The following MAST3 variants were observed in gnomAD, a reference collection of about 807,000 sequenced individuals.
MAST3 encodes the protein microtubule-associated serine/threonine-protein kinase 3.
A neutral mutation model predicts 127.0 loss-of-function variants in MAST3; 43 were observed. The observed-to-expected ratio is 0.34, with a 90% CI of 0.27 to 0.44. MAST3 has a LOEUF of 0.44. Ranked by LOEUF, MAST3 falls within the 20% of genes least tolerant of loss-of-function variation. The pLI is 1.00. For missense variants in MAST3, 1,390 were observed against 1,919.1 expected (o/e 0.72, Z 5.15); for synonymous variants, 785 against 809.2 (o/e 0.97, Z 0.51).
rs374425560 is a variant in MAST3 at position 18,146,907 on chromosome 19, C to T, written c.3189C>T (p.Thr1063=). Residue 1063 remains threonine, a synonymous_variant, in exon 26 of 28, where the codon ACC becomes ACT. Transcript: ENST00000687212. ...GCGGCAACAAGATATCCCTGCGGAC[C>T]ACAGCCCTGGAGAACACCTCCATCA... ...LKSGNKISLR[T]TALENTSIKV... 1.7e-4 allele frequency: 266 copies of T among 1,556,970 alleles called. No individual in the cohort carries two copies. The African/African-American group carries it at 3.1e-3, about 18-fold the overall frequency.
In MAST3 at chr19:18,143,961, C is replaced by T. The variant is rs1334754043; in HGVS notation, c.2538C>T (p.Pro846=). 1.3e-6 allele frequency: 2 copies of T among 1,598,170 alleles called. No individual in the cohort carries two copies. Among genetic ancestry groups the T allele is most frequent in the Non-Finnish European group, 8.5e-7 (1 of 1,172,588 alleles). ...TCTTCATTCTAGGGGAGCCTGACCC[C>T]CCACCAGCGGCCACCCCAGTGATGC... ...RPVFILGEPD[P]PPAATPVMPK... The change falls in exon 22 of 28, where the codon CCC becomes CCT. Residue 846 remains proline (P), a synonymous_variant. Coordinates refer to ENST00000687212, the MANE Select transcript of MAST3 (RefSeq NM_001393504.1).
intron 5 of MAST3, 195 bp downstream of exon 5, chr19:18,122,117 C>A: frequency 2.0e-6 from 2 of 985,170 alleles, no homozygotes; most frequent in African/African-American, 3.5e-5. Context: ...CCACATCCCA[C>A]GCATGGACAG....
At chr19:18,139,876 G>A (rs1441206179) in intron 20 of MAST3, among the ~76,000 whole-genome samples, 9 of 142,830 alleles carry the variant, frequency 6.3e-5, no homozygotes, top group African/African-American at 2.3e-4. Context: ...CTGGAGTGCA[G>A]TGGCGTGATC....
intron 11 of MAST3, among the ~76,000 whole-genome samples, chr19:18,126,151 G>A (rs1409818333): frequency 6.6e-6 from 1 of 152,132 alleles, no homozygotes; most frequent in Non-Finnish European, 1.5e-5. Flanking sequence ...GAGCTTGGCA[G>A]GTTGAGACTG....
intron 11 of MAST3, 100 bp from the exon 12 acceptor site, chr19:18,128,300 C>A (rs899245892): frequency 2.7e-5 from 25 of 927,146 alleles, no homozygotes; most frequent in Non-Finnish European, 4.1e-5. Flanking sequence ...GGCACTGCAT[C>A]CCCAGCCTGG....
At chr19:18,122,044 G>A in intron 5 of MAST3, 122 bp downstream of exon 5, 1 of 1,495,094 alleles carries the variant, frequency 6.7e-7, no homozygotes, top group South Asian at 1.3e-5. Flanking sequence ...CCCTCCCCTG[G>A]CCCGTCTGGT....
At chr19:18,129,181 A>T in intron 13 of MAST3, 1 of 553,546 alleles carries the variant, frequency 1.8e-6, no homozygotes, top group South Asian at 2.1e-5. Context: ...CCCCAGGTGT[A>T]GGGCGTTCTA....
intron 15 of MAST3, among the ~76,000 whole-genome samples, 154 bp from the exon 16 acceptor site, chr19:18,134,425 C>G (rs1424672748): frequency 6.6e-6 from 1 of 152,174 alleles, no homozygotes; most frequent in Non-Finnish European, 1.5e-5. Context: ...ACCTGTAGTT[C>G]CAGCTACTTG....
chr19:18,108,273 G>C (rs756275937), intron 2 of MAST3, among the ~76,000 whole-genome samples: 2 of 151,690 alleles, frequency 1.3e-5, no homozygotes, highest in African/African-American at 4.8e-5. Flanking sequence ...CTGGGCAACA[G>C]AGTGAGACTC....
rs1384767072 is a variant in MAST3 at position 18,112,616 on chromosome 19, T to C, written c.161+1875T>C. On this transcript the variant is annotated intron_variant, in intron 3 of 27. Coordinates refer to ENST00000687212, the MANE Select transcript of MAST3 (RefSeq NM_001393504.1). This position sits in a 1 kb window ranked among gnomAD's most constrained non-coding sequence, Gnocchi z 4.1. ...TCTCAAAGTGCTGGGATTACAGGCA[T>C]GAACCACCAAGCCTGGCCTAATGTT... is the stretch of plus-strand genomic sequence containing the variant. Among the ~76,000 whole-genome samples the C allele has an allele frequency of 6.6e-6, 1 of 152,168 alleles. No individual in the cohort carries two copies. Among genetic ancestry groups the C allele is most frequent in the African/African-American group, 2.4e-5 (1 of 41,444 alleles).
At chr19:18,128,495 G>T in intron 12 of MAST3, 37 bp downstream of exon 12, 2 of 1,545,168 alleles carry the variant, frequency 1.3e-6, no homozygotes, top group Non-Finnish European at 8.8e-7. Context: ...CGCTCATCTT[G>T]TTCTTTCCAG....
chr19:18,098,402 C>A (rs2146705502), intron 1 of MAST3, among the ~76,000 whole-genome samples: 1 of 152,262 alleles, frequency 6.6e-6, no homozygotes, highest in South Asian at 2.1e-4. Context: ...TCTCTTACGG[C>A]ACAAGGCGCT....
At chr19:18,098,217 C>A (rs1568538004) in intron 1 of MAST3, among the ~76,000 whole-genome samples, 1 of 152,176 alleles carries the variant, frequency 6.6e-6, no homozygotes, top group South Asian at 2.1e-4. Context: ...TGTATTAATA[C>A]CTCCTTGGGT....
intron 20 of MAST3, among the ~76,000 whole-genome samples, chr19:18,140,619 C>T (rs1289196895): frequency 6.6e-6 from 1 of 152,138 alleles, no homozygotes; most frequent in Non-Finnish European, 1.5e-5. Flanking sequence ...TTCTCTTACT[C>T]AGCATCACGT....
At chr19:18,122,534 T>A in intron 5 of MAST3, 139 bp from the exon 6 acceptor site, 1 of 735,418 alleles carries the variant, frequency 1.4e-6, no homozygotes, top group African/African-American at 1.7e-5. Context: ...TTGGTCAGCC[T>A]GTGTCTCTGT....
intron 19 of MAST3, among the ~76,000 whole-genome samples, chr19:18,138,691 G>A (rs1288559577): frequency 1.3e-5 from 2 of 149,196 alleles, no homozygotes; most frequent in African/African-American, 4.8e-5. Context: ...TAGAGATGGG[G>A]TTTCACCATG....
At position 18,132,042 on chromosome 19, in the gene MAST3, A is replaced by G; in HGVS notation, c.1566A>G (p.Pro522=). Reference sequence around the variant, plus strand: ...GCATCGTGCACCGTGACCTCAAACCAGACAAGTGAGCTGAGCTAGCATGAG... The same window carrying G: ...GCATCGTGCACCGTGACCTCAAACCGGACAAGTGAGCTGAGCTAGCATGAG... The part of the protein sequence containing the change: ...NYGIVHRDLK[P]DNLLITSLGH... Residue 522 remains proline (P), a synonymous_variant, in exon 15 of 28, where the codon CCA becomes CCG. Coordinates refer to ENST00000687212, the MANE Select transcript of MAST3 (RefSeq NM_001393504.1). 1 of 1,614,090 alleles carries G rather than the reference A, an allele frequency of 6.2e-7. No individual in the cohort carries two copies. The highest frequency in any genetic ancestry group is 8.5e-7 in the Non-Finnish European group (1 of 1,179,988).
In MAST3 at chr19:18,145,712, C is replaced by T; in HGVS notation, c.3040-31C>T. ...GGGTCCCCAGATGTGGGGCCCAGGC[C>T]ATTGACCCCACCGTTCTCGTCTGCC... On this transcript the variant is annotated intron_variant, in intron 24 of 27. Transcript: ENST00000687212. The surrounding 1 kb of genome is among the most constrained non-coding windows in gnomAD (Gnocchi z 5.9). The T allele has an allele frequency of 6.4e-7, 1 of 1,550,602 alleles. No homozygotes were observed. The highest frequency in any genetic ancestry group is 8.7e-7 in the Non-Finnish European group (1 of 1,154,574).
chr19:18,143,839 C>A lies in MAST3; in HGVS notation c.2416C>A (p.Leu806Ile), dbSNP rs776658150. ...GCCCGAGCGGGGTCCCAGCCCATCT[C>A]TCCTGAATACCATCAGCCTGGACAC... Reference protein sequence around the residue: ...SQPERGPSPSLLNTISLDTMP... With the variant: ...SQPERGPSPSILNTISLDTMP... The change falls in exon 22 of 28, where the codon CTC becomes ATC. Residue 806 changes from leucine to isoleucine, a missense_variant. Transcript: ENST00000687212. 30 of 1,613,820 alleles carry A rather than the reference C, an allele frequency of 1.9e-5. No individual in the cohort carries two copies. The Admixed American group carries it at 4.8e-4, about 26-fold the overall frequency.
Sources: allele counts gnomAD v4.1 joint callset (sites outside exome capture counted in the v4.1 genomes callset), GRCh38; gene constraint gnomAD v4.1.1; non-coding constraint Gnocchi (gnomAD v3.1); transcripts MANE v1.5; gene names NCBI Gene and HGNC (gene_info 2026-07-23, HGNC 2026-07-21).